Variants in RBFOX1 observed in about 807,000 individuals in gnomAD.
RBFOX1 encodes RNA binding fox-1 homolog 1.
A neutral mutation model predicts 57.7 loss-of-function variants in RBFOX1; 8 were observed. The ratio of observed to expected loss-of-function variants is 0.14; its 90% CI spans 0.08 to 0.25. The LOEUF is 0.25. RBFOX1 is among the 10% of genes least tolerant of loss of function. The pLI is 1.00. For synonymous variants in RBFOX1, 326 were observed against 222.4 expected (o/e 1.47, Z -4.15); for missense variants, 611 against 548.5 (o/e 1.11, Z -1.14).
At position 6,688,622 on chromosome 16, in the gene RBFOX1, C is replaced by T. The variant is rs542810712; in HGVS notation, c.-16+33972C>T. The stretch of plus-strand genomic sequence containing the variant: ...ATCACTGTCCAACCAGCCATTTGAC[C>T]TGCAGATTGGTATTCTTTATTTTAT... On this transcript the variant is annotated intron_variant, in intron 3 of 15. Coordinates refer to ENST00000550418, the MANE Select transcript of RBFOX1 (RefSeq NM_018723.4). Among the ~76,000 whole-genome samples the T allele has an allele frequency of 4.6e-5, 7 of 152,218 alleles. No individual in the cohort carries two copies. The South Asian group carries it at 1.0e-3, about 23-fold the overall frequency.
intron 4 of RBFOX1, among the ~76,000 whole-genome samples, chr16:7,362,450 GTA>G (rs759716995): frequency 6.6e-6 from 1 of 150,934 alleles, no homozygotes; most frequent in Admixed American, 6.6e-5. Flanking sequence ...CGTGTACGTA[GTA>G]TATATATGTT....
intron 4 of RBFOX1, among the ~76,000 whole-genome samples, chr16:7,310,026 C>A (rs548616964): frequency 6.6e-6 from 1 of 152,234 alleles, no homozygotes; most frequent in Non-Finnish European, 1.5e-5. Flanking sequence ...AGCGTTGGCC[C>A]GTGGCTGTTG....
chr16:5,642,970 C>T (rs576410639), intron 3 of RBFOX1, among the ~76,000 whole-genome samples: 1 of 152,306 alleles, frequency 6.6e-6, no homozygotes, highest in Non-Finnish European at 1.5e-5. Context: ...CCAGGGCTGG[C>T]CTAATCCACC....
At chr16:6,953,688 C>G (rs1243749403) in intron 3 of RBFOX1, among the ~76,000 whole-genome samples, 1 of 152,098 alleles carries the variant, frequency 6.6e-6, no homozygotes, top group African/African-American at 2.4e-5. Flanking sequence ...TGCCCAGCCT[C>G]ACACGCACAC....
intron 3 of RBFOX1, among the ~76,000 whole-genome samples, chr16:6,774,383 A>G (rs571574702): frequency 1.3e-5 from 2 of 152,180 alleles, no homozygotes; most frequent in Non-Finnish European, 2.9e-5. Context: ...TAACAAATTG[A>G]GCAATTGTGG....
At chr16:6,491,356 T>G (rs2095629133) in intron 2 of RBFOX1, among the ~76,000 whole-genome samples, 1 of 152,052 alleles carries the variant, frequency 6.6e-6, no homozygotes, top group Admixed American at 6.6e-5. Context: ...TAAAGATAAC[T>G]AGTGATAAAC....
upstream of RBFOX1, among the ~76,000 whole-genome samples, chr16:6,018,124 C>T (rs901413906): frequency 1.4e-5 from 2 of 143,766 alleles, no homozygotes; most frequent in African/African-American, 5.2e-5. Flanking sequence ...TATTGTACAA[C>T]AAAACCCCCT....
At chr16:6,957,491 G>A (rs1024303719) in intron 3 of RBFOX1, among the ~76,000 whole-genome samples, 1 of 152,120 alleles carries the variant, frequency 6.6e-6, no homozygotes, top group South Asian at 2.1e-4. Context: ...TCCTGACGTT[G>A]CCATGGCATT....
intron 2 of RBFOX1, among the ~76,000 whole-genome samples, chr16:5,506,909 A>T (rs758306523): frequency 6.6e-6 from 1 of 152,070 alleles, no homozygotes; most frequent in Admixed American, 6.5e-5. Context: ...ACCCACTCCA[A>T]TCTGGAGTCC....
chr16:5,816,439 C>G (rs527921218), intron 3 of RBFOX1, among the ~76,000 whole-genome samples: 3 of 152,258 alleles, frequency 2.0e-5, no homozygotes, highest in African/African-American at 7.2e-5. Context: ...AAAACCATGC[C>G]AGCTGAACCC....
At chr16:5,898,914 G>T (rs2058234632) in intron 4 of RBFOX1, among the ~76,000 whole-genome samples, 1 of 139,256 alleles carries the variant, frequency 7.2e-6, no homozygotes. Context: ...AAAAAAAAAA[G>T]TAGCCGGGTG....
chr16:6,563,124 C>CT (rs1301945085), intron 2 of RBFOX1, among the ~76,000 whole-genome samples: 1 of 152,006 alleles, frequency 6.6e-6, no homozygotes, highest in Non-Finnish European at 1.5e-5. Context: ...AGTGCAATGC[C>CT]TGGTGCAAAA....
chr16:7,508,463 A>G (rs998089105), intron 4 of RBFOX1, among the ~76,000 whole-genome samples: 1 of 152,092 alleles, frequency 6.6e-6, no homozygotes, highest in Non-Finnish European at 1.5e-5. Context: ...TCGCATACTG[A>G]GCTGGAGTCT....
chr16:6,572,878 T>A (rs1224622651), intron 2 of RBFOX1, among the ~76,000 whole-genome samples: 1 of 152,056 alleles, frequency 6.6e-6, no homozygotes, highest in Non-Finnish European at 1.5e-5. Flanking sequence ...TCAGGAGTGA[T>A]CCCGCATGCC....
At chr16:6,021,793 G>T (rs2095084448) in intron 1 of RBFOX1, among the ~76,000 whole-genome samples, 1 of 152,198 alleles carries the variant, frequency 6.6e-6, no homozygotes, top group African/African-American at 2.4e-5. Context: ...GCTTCGGGTT[G>T]TCACCTGTAA....
intron 3 of RBFOX1, among the ~76,000 whole-genome samples, chr16:5,687,257 G>C (rs369593359): frequency 1.3e-5 from 2 of 152,140 alleles, no homozygotes; most frequent in African/African-American, 4.8e-5. Flanking sequence ...GAAAACCCAA[G>C]ACTAGAAACT....
intron 3 of RBFOX1, among the ~76,000 whole-genome samples, chr16:6,820,396 C>T (rs543150471): frequency 1.7e-4 from 26 of 152,114 alleles, no homozygotes; most frequent in African/African-American, 6.0e-4. Context: ...CACAGTGGCT[C>T]CTATAATCCC....
intron 3 of RBFOX1, among the ~76,000 whole-genome samples, chr16:5,688,443 A>G (rs574636679): frequency 3.3e-5 from 5 of 152,238 alleles, no homozygotes; most frequent in Non-Finnish European, 5.9e-5. Context: ...GTTGCCTGCA[A>G]GAATTCCTGA....
intron 14 of RBFOX1, among the ~76,000 whole-genome samples, chr16:7,690,666 G>A (rs990970299): frequency 3.5e-5 from 1 of 28,818 alleles, no homozygotes; most frequent in South Asian, 2.9e-3. Flanking sequence ...GCATTGTTCT[G>A]ATCTTTTAAT....
Sources: gnomAD v4.1 joint callset for allele counts (sites outside exome capture counted in the v4.1 genomes callset) on GRCh38, gnomAD v4.1.1 for gene constraint, MANE v1.5 for transcripts, NCBI Gene and HGNC (gene_info 2026-07-23, HGNC 2026-07-21) for gene names.